The following OPHN1 variants were observed in gnomAD, a reference collection of about 807,000 sequenced individuals.
OPHN1 encodes oligophrenin 1.
OPHN1 carries 11 observed loss-of-function variants against 60.7 expected under a neutral mutation model. That is an observed-to-expected ratio of 0.18 (90% CI 0.11 to 0.30). The LOEUF (loss-of-function observed/expected upper bound fraction) is 0.30. Ranked by LOEUF, OPHN1 falls within the 10% of genes least tolerant of loss-of-function variation. OPHN1 has a pLI of 1.00. For missense variants in OPHN1, 449 were observed against 611.0 expected (o/e 0.73, Z 2.80); for synonymous variants, 226 against 222.6 (o/e 1.02, Z -0.14).
intron 2 of OPHN1, among the ~76,000 whole-genome samples, chrX:68,431,046 G>A (rs779509471): frequency 3.6e-5 from 4 of 110,982 alleles, no homozygotes; most frequent in East Asian, 2.8e-4. Context: ...GATGAGATTC[G>A]TTTTACTGGG....
chrX:68,068,470 C>CAAAA (rs61188762), intron 20 of OPHN1, among the ~76,000 whole-genome samples: 21 of 39,705 alleles, frequency 5.3e-4, no homozygotes, highest in Admixed American at 8.3e-4. Flanking sequence ...GACTCCATCT[C>CAAAA]AAAAAAAAAA....
intron 19 of OPHN1, among the ~76,000 whole-genome samples, chrX:68,088,130 C>T (rs774444893): frequency 5.4e-5 from 6 of 111,520 alleles, no homozygotes; most frequent in Non-Finnish European, 1.1e-4. Flanking sequence ...GGGGAAGTGA[C>T]TTGCCCAAGG....
chrX:68,351,442 G>A (rs1177068627), intron 2 of OPHN1, among the ~76,000 whole-genome samples: 1 of 111,688 alleles, frequency 9.0e-6, no homozygotes, highest in Non-Finnish European at 1.9e-5. Flanking sequence ...GAAGGCCCCA[G>A]TTTAAAATAT....
intron 18 of OPHN1, among the ~76,000 whole-genome samples, chrX:68,102,621 A>G (rs186234138): frequency 1.8e-5 from 2 of 111,536 alleles, no homozygotes; most frequent in Admixed American, 1.9e-4. Flanking sequence ...AAACAGATAG[A>G]CTGCTAGCCA....
At chrX:68,166,444 G>A (rs905767408) in intron 15 of OPHN1, among the ~76,000 whole-genome samples, 4 of 111,542 alleles carry the variant, frequency 3.6e-5, no homozygotes, top group African/African-American at 1.3e-4. Flanking sequence ...TGAGGCAGAA[G>A]AATCGCTTGA....
chrX:68,063,453 G>A (rs1015557865), intron 21 of OPHN1, among the ~76,000 whole-genome samples: 44 of 109,321 alleles, frequency 4.0e-4, no homozygotes, highest in African/African-American at 1.4e-3. Context: ...CCTAGGAGGC[G>A]GAGGCTGCAG....
At chrX:68,371,742 T>C (rs970048366) in intron 2 of OPHN1, among the ~76,000 whole-genome samples, 16 of 111,836 alleles carry the variant, frequency 1.4e-4, no homozygotes, top group Admixed American at 9.5e-4. Flanking sequence ...GTTTTTTGTT[T>C]GTTTGTTTAT....
At chrX:68,310,427 TAAG>T (rs1489532848) in intron 2 of OPHN1, among the ~76,000 whole-genome samples, 5 of 105,393 alleles carry the variant, frequency 4.7e-5, no homozygotes, top group African/African-American at 1.9e-4. Flanking sequence ...ACGCAAGCTC[TAAG>T]AAGAGGAAAA....
At chrX:68,341,132 A>G (rs1293286424) in intron 2 of OPHN1, among the ~76,000 whole-genome samples, 1 of 110,791 alleles carries the variant, frequency 9.0e-6, no homozygotes, top group Non-Finnish European at 1.9e-5. Context: ...TGTGCAACCC[A>G]TAATTAAATA....
At chrX:68,250,433 G>T (rs1272105498) in intron 5 of OPHN1, among the ~76,000 whole-genome samples, 1 of 111,469 alleles carries the variant, frequency 9.0e-6, no homozygotes, top group African/African-American at 3.3e-5. Context: ...TCAGAGGAGT[G>T]AAGTACTTCA....
At chrX:68,154,861 CCACA>C (rs60627495) in intron 15 of OPHN1, among the ~76,000 whole-genome samples, 5,548 of 94,271 alleles carry the variant, frequency 0.059, 355 homozygotes, top group African/African-American at 0.19. Flanking sequence ...ATAGTACACA[CCACA>C]CACACACACA....
rs1188098758 is a variant in OPHN1 at position 68,192,072 on chromosome X, C to A, written c.1276+847G>T. Among the ~76,000 whole-genome samples the A allele has an allele frequency of 6.4e-5, 7 of 109,731 alleles. No homozygotes were observed. In the South Asian group the frequency reaches 2.7e-3, roughly 43 times the overall value. Reference sequence around the variant, plus strand: ...AGCCATAACCAGAATAAAAAAAAATCAATCAATAGAAAAACATATTAAAAA... The same window carrying A: ...AGCCATAACCAGAATAAAAAAAAATAAATCAATAGAAAAACATATTAAAAA... On this transcript the variant is annotated intron_variant, in intron 15 of 24. Coordinates refer to ENST00000355520, the MANE Select transcript of OPHN1 (RefSeq NM_002547.3).
intron 15 of OPHN1, 181 bp downstream of exon 15, chrX:68,192,738 G>A (rs2077494574): frequency 1.1e-5 from 5 of 441,429 alleles, no homozygotes; most frequent in Admixed American, 1.1e-4. Flanking sequence ...AGAGATAACA[G>A]CCATTTTCAA....
At chrX:68,064,256 T>A in intron 20 of OPHN1, 79 bp from the exon 21 acceptor site, 2 of 973,858 alleles carry the variant, frequency 2.1e-6, no homozygotes, top group Non-Finnish European at 1.5e-6. Context: ...CATACATACT[T>A]AATTTTGAAA....
At chrX:68,400,323 A>G (rs2078707197) in intron 2 of OPHN1, among the ~76,000 whole-genome samples, 1 of 111,732 alleles carries the variant, frequency 8.9e-6, no homozygotes, top group South Asian at 3.7e-4. Flanking sequence ...AAGAACCTGG[A>G]CAACTTGCAG....
chrX:68,391,272 TA>T (rs965262733), intron 2 of OPHN1, among the ~76,000 whole-genome samples: 16 of 111,750 alleles, frequency 1.4e-4, no homozygotes, highest in African/African-American at 3.6e-4. Context: ...AGGAAATATA[TA>T]AAAAATATTA....
chrX:68,073,563 T>C (rs756108110), intron 19 of OPHN1, among the ~76,000 whole-genome samples: 1 of 111,993 alleles, frequency 8.9e-6, no homozygotes, highest in African/African-American at 3.2e-5. Context: ...TAGTCCTGGA[T>C]TTTCCATGTC....
chrX:68,294,043 C>T (rs2078082355), intron 3 of OPHN1, among the ~76,000 whole-genome samples: 1 of 111,661 alleles, frequency 9.0e-6, no homozygotes. Flanking sequence ...TAGTTATCCA[C>T]CTCCTTTAAT....
At chrX:68,155,135 T>A (rs2147495932) in intron 15 of OPHN1, among the ~76,000 whole-genome samples, 1 of 111,255 alleles carries the variant, frequency 9.0e-6, no homozygotes, top group South Asian at 3.8e-4. Context: ...TAAGGAAGAA[T>A]CAGAATGAAT....
Sources: gnomAD v4.1 joint callset for allele counts (sites outside exome capture counted in the v4.1 genomes callset) on GRCh38, gnomAD v4.1.1 for gene constraint, MANE v1.5 for transcripts, NCBI Gene and HGNC (gene_info 2026-07-23, HGNC 2026-07-21) for gene names.